FOXO1: variants seen among roughly 807,000 people sequenced by gnomAD.
FOXO1 encodes the protein forkhead box O1.
FOXO1 carries 6 observed loss-of-function variants against 44.1 expected under a neutral mutation model. The ratio of observed to expected loss-of-function variants is 0.14; its 90% CI spans 0.07 to 0.27. FOXO1 has a LOEUF of 0.27. Among genes scored for constraint, FOXO1 ranks in the 10% least tolerant of loss-of-function variants. FOXO1 has a pLI of 1.00. For missense variants in FOXO1, 737 were observed against 888.8 expected, an observed-to-expected ratio of 0.83 and a Z score of 2.17; for synonymous variants, 380 against 362.7, an observed-to-expected ratio of 1.05 and a Z score of -0.54.
At chr13:40,604,246 C>T (rs1001899827) in intron 1 of FOXO1, among the ~76,000 whole-genome samples, 1 of 151,214 alleles carries the variant, frequency 6.6e-6, no homozygotes, top group African/African-American at 2.4e-5. Context: ...AAATGTGTGT[C>T]ACTTGTTCTT....
intron 1 of FOXO1, among the ~76,000 whole-genome samples, chr13:40,616,658 G>T (rs137960088): frequency 6.6e-6 from 1 of 152,254 alleles, no homozygotes; most frequent in East Asian, 1.9e-4. Flanking sequence ...GCTACTATAG[G>T]GCAGAATAAG....
At chr13:40,658,146 G>A (rs1877915687) in intron 1 of FOXO1, among the ~76,000 whole-genome samples, 3 of 152,182 alleles carry the variant, frequency 2.0e-5, no homozygotes, top group Admixed American at 6.5e-5. Context: ...ATTGGAAGTT[G>A]GTGAACTGAC....
chr13:40,649,386 G>T (rs1374040388), intron 1 of FOXO1, among the ~76,000 whole-genome samples: 1 of 152,108 alleles, frequency 6.6e-6, no homozygotes, highest in Non-Finnish European at 1.5e-5. Context: ...TATAAATGAG[G>T]CTTAATTGGA....
chr13:40,563,675 G>A (rs1874141470), intron 1 of FOXO1, among the ~76,000 whole-genome samples: 1 of 152,088 alleles, frequency 6.6e-6, no homozygotes, highest in Non-Finnish European at 1.5e-5. Flanking sequence ...GTAGGTACAA[G>A]AATCCCTAAA....
rs1878205760 is a variant in FOXO1, at chr13:40,665,618, C to G, written c.595G>C (p.Asp199His). 2 of 1,477,156 alleles carry G rather than the reference C, an allele frequency of 1.4e-6. No individual in the cohort carries two copies. Among genetic ancestry groups the G allele is most frequent in the African/African-American group, 1.4e-5 (1 of 69,272 alleles). 91.5% of individuals were successfully genotyped at this position (1,477,156 alleles called of 1,614,324 possible). ...GCCGAGCTGTTGCTGTCACCCTTAT[C>G]CTTGAAGTAGGGCACGCTCTTGACC... ...WMVKSVPYFKDKGDSNSSAGW... is the reference protein window; with the variant it reads ...WMVKSVPYFKHKGDSNSSAGW... The change falls in exon 1 of 3, where the codon GAT (aspartate) becomes CAT (histidine). Residue 199 changes from aspartate (D) to histidine (H), a missense_variant. By Grantham distance (81) the Asp-to-His change is moderately conservative. Transcript: ENST00000379561.
chr13:40,569,599 A>C (rs544977234), intron 1 of FOXO1, among the ~76,000 whole-genome samples: 56 of 152,320 alleles, frequency 3.7e-4, no homozygotes, highest in Non-Finnish European at 7.3e-4. Flanking sequence ...GCAATCCGTC[A>C]TTTACAGAAA....
At chr13:40,634,617 G>C (rs1030202212) in intron 1 of FOXO1, among the ~76,000 whole-genome samples, 1 of 152,130 alleles carries the variant, frequency 6.6e-6, no homozygotes, top group African/African-American at 2.4e-5. Context: ...ATTCCAGCCT[G>C]GGCAGCAGGG....
chr13:40,600,400 T>C (rs1352213733), intron 1 of FOXO1, among the ~76,000 whole-genome samples: 1 of 152,168 alleles, frequency 6.6e-6, no homozygotes, highest in Non-Finnish European at 1.5e-5. Context: ...TGGGGGGCAC[T>C]CACATAGATT....
At chr13:40,664,056 C>T (rs1410403670) in intron 1 of FOXO1, among the ~76,000 whole-genome samples, 1 of 152,226 alleles carries the variant, frequency 6.6e-6, no homozygotes, top group Non-Finnish European at 1.5e-5. Flanking sequence ...GGGCCGATCA[C>T]GAGGTCAGGA....
At chr13:40,635,855 T>C (rs140219848) in intron 1 of FOXO1, among the ~76,000 whole-genome samples, 18 of 152,324 alleles carry the variant, frequency 1.2e-4, no homozygotes, top group African/African-American at 4.3e-4. Context: ...GTACTCTACC[T>C]GCTGCCCCTC....
intron 1 of FOXO1, among the ~76,000 whole-genome samples, chr13:40,618,046 A>G (rs1876485444): frequency 6.6e-6 from 1 of 152,124 alleles, no homozygotes; most frequent in Non-Finnish European, 1.5e-5. Flanking sequence ...CGTTCTAGAT[A>G]TTTCTTCCAG....
chr13:40,574,978 T>C (rs1874688275), intron 1 of FOXO1, among the ~76,000 whole-genome samples: 1 of 152,208 alleles, frequency 6.6e-6, no homozygotes, highest in Non-Finnish European at 1.5e-5. Context: ...AAAATGGTTA[T>C]CCAATATATT....
chr13:40,605,531 A>G (rs549636277), intron 1 of FOXO1, among the ~76,000 whole-genome samples: 2 of 152,110 alleles, frequency 1.3e-5, no homozygotes, highest in African/African-American at 4.8e-5. Flanking sequence ...ATCCAACCAC[A>G]CTGTACTTCT....
rs143383236 is a variant in FOXO1, at chr13:40,561,848, A to G, written c.631-988T>C. Among the ~76,000 whole-genome samples, 756 of 151,822 alleles carry G rather than the reference A, an allele frequency of 5.0e-3. 8 individuals are homozygous for G. The highest frequency in any genetic ancestry group is 0.017 in the African/African-American group (723 of 41,360). ...GTCGGGTGTGGTGGCAGGCGCCAGT[A>G]ATCCCAGCTACTTGGCAGGCTGAGG... On this transcript the variant is annotated intron_variant, in intron 1 of 2. Coordinates refer to ENST00000379561, the MANE Select transcript of FOXO1 (RefSeq NM_002015.4).
intron 1 of FOXO1, among the ~76,000 whole-genome samples, chr13:40,645,541 A>C (rs946095886): frequency 6.6e-6 from 1 of 152,242 alleles, no homozygotes; most frequent in Non-Finnish European, 1.5e-5. Context: ...CTATTTCTAA[A>C]GGCAGTAATA....
At chr13:40,612,154 T>C (rs541791801) in intron 1 of FOXO1, among the ~76,000 whole-genome samples, 1 of 152,288 alleles carries the variant, frequency 6.6e-6, no homozygotes, top group Admixed American at 6.5e-5. Flanking sequence ...ACAGGCCTAC[T>C]GAAAACAAGG....
intron 1 of FOXO1, among the ~76,000 whole-genome samples, chr13:40,574,410 G>A (rs1874662481): frequency 6.6e-6 from 1 of 152,224 alleles, no homozygotes; most frequent in Non-Finnish European, 1.5e-5. Flanking sequence ...ATGGTGCATT[G>A]TGAAGATTAA....
chr13:40,566,536 G>A (rs1464262680), intron 1 of FOXO1, among the ~76,000 whole-genome samples: 11 of 151,978 alleles, frequency 7.2e-5, no homozygotes, highest in South Asian at 2.1e-4. Flanking sequence ...CTGTCACCAC[G>A]CCTGGCTAAT....
intron 1 of FOXO1, among the ~76,000 whole-genome samples, chr13:40,581,956 G>A (rs542702190): frequency 3.3e-5 from 5 of 152,224 alleles, no homozygotes; most frequent in Non-Finnish European, 2.9e-5. Flanking sequence ...ACAAACTCTG[G>A]AATTAGTGGC....
Sources: allele counts gnomAD v4.1 joint callset (sites outside exome capture counted in the v4.1 genomes callset), GRCh38; gene constraint gnomAD v4.1.1; transcripts MANE v1.5; gene names NCBI Gene and HGNC (gene_info 2026-07-23, HGNC 2026-07-21).